The following VPS8 variants were observed in gnomAD, a reference collection of about 807,000 sequenced individuals.
VPS8 encodes the protein VPS8 subunit of CORVET complex.
VPS8 carries 129 observed loss-of-function variants against 216.4 expected under a neutral mutation model. The observed-to-expected ratio is 0.60, with a 90% CI of 0.52 to 0.69. VPS8 has a LOEUF of 0.69. Among genes scored for constraint, VPS8 ranks in the 30% least tolerant of loss-of-function variants. The probability of loss-of-function intolerance (pLI) is 0.00; values close to 1 mark genes in which losing one functional copy is unlikely to be tolerated. For synonymous variants in VPS8, 571 were observed against 565.4 expected (o/e 1.01, Z -0.14); for missense variants, 1,531 against 1,683.5 (o/e 0.91, Z 1.59).
Position 184,907,348 on chromosome 3 carries a change from G to A in VPS8, c.2147-6171G>A, listed in dbSNP as rs186356108. Among the ~76,000 whole-genome samples, 27 of 152,308 alleles carry A rather than the reference G, an allele frequency of 1.8e-4. No individual in the cohort carries two copies. In the East Asian group the frequency reaches 5.0e-3, roughly 28 times the overall value. ...CATTTGTCTCCAGTGAGCCTCAGAG[G>A]GATGACTTTGAGTTCTGTCTGTCCT... On this transcript the variant is annotated intron_variant, in intron 25 of 47. Coordinates refer to ENST00000625842, the MANE Select transcript of VPS8 (RefSeq NM_001009921.3).
intron 20 of VPS8, among the ~76,000 whole-genome samples, 185 bp from the exon 21 acceptor site, chr3:184,870,531 G>T (rs1728142951): frequency 6.6e-6 from 1 of 152,166 alleles, no homozygotes; most frequent in Non-Finnish European, 1.5e-5. Flanking sequence ...TAGCAAATTA[G>T]TACTAGCCCT....
rs146383259 is a variant in VPS8, at chr3:184,938,968, C to T, written c.2989-1229C>T. ...TCACCTGAACCCAGGAGGTTGAGGC[C>T]GCAGTGAGCTGTGATCATGTCAGTG... On this transcript the variant is annotated intron_variant, in intron 35 of 47. Transcript: ENST00000625842. 1.2e-3 allele frequency among the ~76,000 whole-genome samples: 178 copies of T among 147,854 alleles called. 1 individual carries two copies. The highest frequency in any genetic ancestry group is 4.1e-3 in the African/African-American group (163 of 39,830).
At chr3:184,944,172 T>G (rs1052544545) in intron 36 of VPS8, among the ~76,000 whole-genome samples, 4 of 152,250 alleles carry the variant, frequency 2.6e-5, no homozygotes, top group African/African-American at 9.6e-5. Flanking sequence ...GATATTTCTC[T>G]ATGTCTTTAC....
chr3:184,835,304 C>T (rs1200111577), intron 5 of VPS8, among the ~76,000 whole-genome samples: 1 of 152,104 alleles, frequency 6.6e-6, no homozygotes, highest in South Asian at 2.1e-4. Flanking sequence ...GGTAGCAAGG[C>T]ATTTATTCAA....
intron 25 of VPS8, among the ~76,000 whole-genome samples, chr3:184,906,580 A>G (rs1271390757): frequency 6.6e-6 from 1 of 152,246 alleles, no homozygotes; most frequent in African/African-American, 2.4e-5. Flanking sequence ...ATTACTCAAA[A>G]ACCCAATGAG....
In VPS8 at chr3:184,999,870, T is replaced by A. The variant is rs1367124836; in HGVS notation, c.4002+9T>A. ...GGATAACCCCATCACAGGTAAGACTTGTTTTCGTGGCAAAATGGAAATGGT... is the reference window on the plus strand; with the variant it reads ...GGATAACCCCATCACAGGTAAGACTAGTTTTCGTGGCAAAATGGAAATGGT... On this transcript the variant is annotated intron_variant, in intron 45 of 47. Transcript: ENST00000625842. 6.3e-7 allele frequency: 1 copy of A among 1,596,538 alleles called. No homozygotes were observed. The highest frequency in any genetic ancestry group is 1.8e-5 in the Admixed American group (1 of 56,332).
intron 21 of VPS8, among the ~76,000 whole-genome samples, chr3:184,876,551 G>C (rs1284159005): frequency 1.3e-5 from 2 of 152,106 alleles, no homozygotes; most frequent in East Asian, 3.9e-4. Flanking sequence ...GAATTCTGAG[G>C]TCTATAGAGT....
In VPS8 at chr3:184,862,967, A is replaced by G. The variant is rs944833344; in HGVS notation, c.1295A>G (p.Gln432Arg). 16 of 1,613,876 alleles carry G rather than the reference A, an allele frequency of 9.9e-6. No homozygotes were observed. The Admixed American group carries it at 1.7e-4, about 17-fold the overall frequency. ...EKLHVIDRQTQEELETVEISE... is the reference protein window; with the variant it reads ...EKLHVIDRQTREELETVEISE... ...TTGCATGTGATTGATCGGCAAACAC[A>G]AGAGGAATTGGAGACAGTGGAGATC... Residue 432 changes from glutamine to arginine, a missense_variant, in exon 16 of 48, where the codon CAA becomes CGA. Physicochemically the swap from Gln to Arg is conservative, Grantham distance 43. Coordinates refer to ENST00000625842, the MANE Select transcript of VPS8 (RefSeq NM_001009921.3).
intron 18 of VPS8, 29 bp downstream of exon 18, chr3:184,868,088 A>G: frequency 6.2e-7 from 1 of 1,610,388 alleles, no homozygotes; most frequent in African/African-American, 1.3e-5. Context: ...CACATGTCAG[A>G]GTTACTGAAT....
At chr3:184,900,691 A>G (rs1027282769) in intron 24 of VPS8, among the ~76,000 whole-genome samples, 15 of 152,244 alleles carry the variant, frequency 9.9e-5, no homozygotes, top group Non-Finnish European at 2.1e-4. Flanking sequence ...AGCCCTTTAT[A>G]TAACTGGTAT....
intron 25 of VPS8, among the ~76,000 whole-genome samples, chr3:184,907,896 A>T (rs973808172): frequency 6.6e-6 from 1 of 152,174 alleles, no homozygotes; most frequent in African/African-American, 2.4e-5. Context: ...AAAGTCAGCC[A>T]TGGGTTATAA....
At chr3:185,013,548 A>G (rs1755348176) in intron 45 of VPS8, among the ~76,000 whole-genome samples, 1 of 152,136 alleles carries the variant, frequency 6.6e-6, no homozygotes, top group African/African-American at 2.4e-5. Context: ...TACTTTAAAT[A>G]TTTGTTCTTT....
chr3:184,911,998 T>C (rs1054484751), intron 25 of VPS8, among the ~76,000 whole-genome samples: 1 of 152,222 alleles, frequency 6.6e-6, no homozygotes, highest in Admixed American at 6.5e-5. Context: ...ACCTGGTACC[T>C]TGCTTTTTTT....
chr3:184,848,922 C>T, intron 8 of VPS8, 149 bp from the exon 9 acceptor site: 3 of 804,714 alleles, frequency 3.7e-6, no homozygotes, highest in Non-Finnish European at 5.7e-6. Context: ...CTGCTAGTTG[C>T]TCAATAAATA....
Position 184,966,816 on chromosome 3 carries a change from T to G in VPS8, c.3316+103T>G, listed in dbSNP as rs1291221160. ...ATTATGTAATAATTACACTTGCATATATGCATAATTACTGTTTATTCATTT... is the reference window on the plus strand; with the variant it reads ...ATTATGTAATAATTACACTTGCATAGATGCATAATTACTGTTTATTCATTT... On this transcript the variant is annotated intron_variant, in intron 39 of 47. Transcript: ENST00000625842. The G allele has an allele frequency of 5.3e-6, 4 of 750,820 alleles. No individual in the cohort carries two copies. The East Asian group carries it at 1.1e-4, about 21-fold the overall frequency. The allele number at this position is 750,820 out of a possible 1,614,324, so 46.5% of individuals were successfully genotyped here.
At chr3:184,850,948 A>G (rs1384192358) in intron 10 of VPS8, among the ~76,000 whole-genome samples, 1 of 152,260 alleles carries the variant, frequency 6.6e-6, no homozygotes, top group Admixed American at 6.5e-5. Flanking sequence ...TCAGAGCATT[A>G]TGGCAAAGTA....
intron 39 of VPS8, 125 bp downstream of exon 39, chr3:184,966,838 A>G (rs1747490564): frequency 1.7e-6 from 1 of 584,080 alleles, no homozygotes; most frequent in African/African-American, 1.9e-5. Flanking sequence ...CTGTTTATTC[A>G]TTTTAACATG....
At chr3:184,984,919 C>T (rs1009060428) in intron 42 of VPS8, among the ~76,000 whole-genome samples, 2 of 151,042 alleles carry the variant, frequency 1.3e-5, no homozygotes, top group Non-Finnish European at 2.9e-5. Flanking sequence ...TTTTATATTT[C>T]AAGACTTTGG....
At chr3:184,870,117 T>C (rs550816527) in intron 20 of VPS8, among the ~76,000 whole-genome samples, 1 of 152,260 alleles carries the variant, frequency 6.6e-6, no homozygotes, top group South Asian at 2.1e-4. Flanking sequence ...AACTTACTAG[T>C]AATTATGAGA....
Sources: gnomAD v4.1 joint callset for allele counts (sites outside exome capture counted in the v4.1 genomes callset) on GRCh38, gnomAD v4.1.1 for gene constraint, MANE v1.5 for transcripts, NCBI Gene and HGNC (gene_info 2026-07-23, HGNC 2026-07-21) for gene names.